The following MAST4 variants were observed in gnomAD, a reference collection of about 807,000 sequenced individuals.
MAST4 encodes the protein microtubule associated serine/threonine kinase family member 4, also known as microtubule-associated serine/threonine-protein kinase 4.
In MAST4, 89 loss-of-function variants were observed where a neutral mutation model predicts 162.7. The observed-to-expected ratio is 0.55, with a 90% CI of 0.46 to 0.65. The LOEUF (loss-of-function observed/expected upper bound fraction) is 0.65. Among genes scored for constraint, MAST4 ranks in the 30% least tolerant of loss-of-function variants. The pLI is 0.00. For synonymous variants in MAST4, 1,479 were observed against 1,361.1 expected (o/e 1.09, Z -1.91); for missense variants, 3,153 against 3,374.0 (o/e 0.93, Z 1.62).
intron 3 of MAST4, among the ~76,000 whole-genome samples, chr5:66,835,416 G>A (rs1285881857): frequency 6.6e-6 from 1 of 151,934 alleles, no homozygotes; most frequent in Non-Finnish European, 1.5e-5. Flanking sequence ...CCACTTCATT[G>A]TTAATCTTAT....
At chr5:67,162,884 G>A in intron 28 of MAST4, 96 bp downstream of exon 28, 1 of 1,308,854 alleles carries the variant, frequency 7.6e-7, no homozygotes, top group East Asian at 2.4e-5. Context: ...CTGAAAGAAA[G>A]CAGGTTGAAG....
chr5:66,743,889 G>C (rs759361458), intron 1 of MAST4, among the ~76,000 whole-genome samples: 2 of 151,998 alleles, frequency 1.3e-5, no homozygotes, highest in African/African-American at 4.8e-5. Context: ...AGAGATGATT[G>C]GTCTTTGGTT....
chr5:66,659,662 A>G (rs1235682146), intron 1 of MAST4, among the ~76,000 whole-genome samples: 5 of 152,214 alleles, frequency 3.3e-5, no homozygotes, highest in Non-Finnish European at 1.5e-5. Flanking sequence ...CATTTGGCCA[A>G]CATTGATTGA....
chr5:67,164,542 A>G lies in MAST4; in HGVS notation c.5363A>G (p.Tyr1788Cys), dbSNP rs1773637479. 1 of 1,613,998 alleles carries G rather than the reference A, an allele frequency of 6.2e-7. No homozygotes were observed. The highest frequency in any genetic ancestry group is 8.5e-7 in the Non-Finnish European group (1 of 1,179,888). ...ESPVRKSPSEYKLEGRSVSCL... is the reference protein window; with the variant it reads ...ESPVRKSPSECKLEGRSVSCL... ...CCTGTTAGGAAGAGCCCCTCCGAGT[A>G]TAAGCTGGAAGGTAGGTCTGTCTCA... Residue 1788 changes from tyrosine (Y) to cysteine (C), a missense_variant, in exon 29 of 29, where the codon TAT becomes TGT. Tyr to Cys is a radical substitution (Grantham distance 194). Around this residue, in one of 7 missense-constraint regions of MAST4, gnomAD observed 1,644 missense variants for 1,495.0 expected, o/e 1.10. Coordinates refer to ENST00000403625, the MANE Select transcript of MAST4 (RefSeq NM_001164664.2). The surrounding 1 kb of genome is among the most constrained non-coding windows in gnomAD (Gnocchi z 5.3).
intron 3 of MAST4, among the ~76,000 whole-genome samples, chr5:66,887,865 TCATTCTC>T (rs1159168108): frequency 2.0e-5 from 3 of 152,164 alleles, no homozygotes; most frequent in Admixed American, 2.0e-4. Flanking sequence ...CCCATGGTCT[TCATTCTC>T]GAAGTTCTCA....
rs58215388 is a variant in MAST4 at position 66,756,522 on chromosome 5, G to A, written c.364-3187G>A. On this transcript the variant is annotated intron_variant, in intron 1 of 28. Transcript: ENST00000403625. ...CAACTCCTTGTAGTATGAAGACTTT[G>A]GGAGTCTGGAAAAGTTGGAAAACAT... is the stretch of plus-strand genomic sequence containing the variant. 4.6e-3 allele frequency among the ~76,000 whole-genome samples: 702 copies of A among 152,242 alleles called. 6 individuals are homozygous for A. Among genetic ancestry groups the A allele is most frequent in the African/African-American group, 0.016 (674 of 41,534 alleles).
intron 1 of MAST4, among the ~76,000 whole-genome samples, chr5:66,655,267 G>T (rs1024297759): frequency 6.6e-6 from 1 of 152,072 alleles, no homozygotes; most frequent in Non-Finnish European, 1.5e-5. Context: ...GGGGTTCATG[G>T]GATTTTCATA....
chr5:67,035,925 C>T (rs986615728), intron 4 of MAST4, among the ~76,000 whole-genome samples: 2 of 152,180 alleles, frequency 1.3e-5, no homozygotes, highest in Non-Finnish European at 2.9e-5. Context: ...CTGCCTCCCT[C>T]ATTCCCTACC....
intron 1 of MAST4, 81 bp from the exon 2 acceptor site, chr5:66,759,628 G>A (rs1753738687): frequency 3.3e-6 from 5 of 1,515,154 alleles, no homozygotes; most frequent in Non-Finnish European, 4.5e-6. Flanking sequence ...AAGAAAGGAA[G>A]AAAAAGTGTG....
In MAST4 at chr5:67,049,037, A is replaced by ATG. The variant is rs1561576429; in HGVS notation, c.675-5366_675-5365insGT. Among the ~76,000 whole-genome samples, 645 of 107,718 alleles carry ATG rather than the reference A, an allele frequency of 6.0e-3. 26 individuals are homozygous for ATG. Among genetic ancestry groups the ATG allele is most frequent in the African/African-American group, 0.027 (625 of 23,560 alleles). 70.7% of individuals were successfully genotyped at this position (107,718 alleles called of 152,430 possible). On this transcript the variant is annotated intron_variant, in intron 4 of 28. Coordinates refer to ENST00000403625, the MANE Select transcript of MAST4 (RefSeq NM_001164664.2). ...TATATATATACGTATATATATATAT[A>ATG]TATACGTGTATATATATATATACGT...
intron 4 of MAST4, among the ~76,000 whole-genome samples, chr5:66,913,410 A>T (rs1763902424): frequency 6.6e-6 from 1 of 152,204 alleles, no homozygotes; most frequent in African/African-American, 2.4e-5. Flanking sequence ...CTTCTCACTC[A>T]GCATAATTAT....
intron 3 of MAST4, 126 bp downstream of exon 3, chr5:66,788,920 T>C: frequency 8.1e-7 from 1 of 1,238,922 alleles, no homozygotes; most frequent in Non-Finnish European, 1.1e-6. Context: ...TATTTGGCAA[T>C]GTGGAATTCC....
chr5:66,864,687 G>A (rs541888536), intron 3 of MAST4, among the ~76,000 whole-genome samples: 4 of 150,628 alleles, frequency 2.7e-5, no homozygotes, highest in African/African-American at 4.9e-5. Context: ...CCAATACTGC[G>A]GATGGGATGA....
intron 4 of MAST4, among the ~76,000 whole-genome samples, chr5:66,994,561 T>C (rs1750415708): frequency 6.6e-6 from 1 of 152,240 alleles, no homozygotes; most frequent in Non-Finnish European, 1.5e-5. Flanking sequence ...AACTTCTCTT[T>C]GAAAGTTTTT....
At chr5:66,754,105 C>T (rs969443895) in intron 1 of MAST4, among the ~76,000 whole-genome samples, 6 of 152,024 alleles carry the variant, frequency 3.9e-5, no homozygotes, top group Non-Finnish European at 7.4e-5. Flanking sequence ...TCAACAACCC[C>T]TCATGCTAAA....
At chr5:67,135,673 T>G (rs1769541910) in intron 18 of MAST4, among the ~76,000 whole-genome samples, 1 of 152,254 alleles carries the variant, frequency 6.6e-6, no homozygotes, top group African/African-American at 2.4e-5. Context: ...GATTTATAAC[T>G]AGGCTGTTTT....
Position 67,016,388 on chromosome 5 carries a change from T to C in MAST4, c.675-38016T>C, listed in dbSNP as rs570705472. On this transcript the variant is annotated intron_variant, in intron 4 of 28. Transcript: ENST00000403625. ...AACATTCTAATTACTGAAAATAATA[T>C]TTGTAAAGCAAGATTTTAGTACCTT... Among the ~76,000 whole-genome samples the C allele has an allele frequency of 4.3e-4, 65 of 152,274 alleles. No homozygotes were observed. In the South Asian group the frequency reaches 0.013, roughly 30 times the overall value.
At chr5:66,888,907 T>C (rs1762205141) in intron 3 of MAST4, among the ~76,000 whole-genome samples, 1 of 152,222 alleles carries the variant, frequency 6.6e-6, no homozygotes, top group Admixed American at 6.5e-5. Context: ...CAGGGCATTT[T>C]CCTGGATAAT....
intron 3 of MAST4, among the ~76,000 whole-genome samples, chr5:66,833,520 A>T (rs138213153): frequency 6.6e-6 from 1 of 152,322 alleles, no homozygotes; most frequent in Non-Finnish European, 1.5e-5. Context: ...GTTTAGCCAC[A>T]GTCTTGCTTT....
Sources: gnomAD v4.1 joint callset for allele counts (sites outside exome capture counted in the v4.1 genomes callset) on GRCh38, gnomAD v4.1.1 for gene constraint, gnomAD v4.1.1 regional missense constraint, Gnocchi (gnomAD v3.1) non-coding constraint, MANE v1.5 for transcripts, NCBI Gene and HGNC (gene_info 2026-07-23, HGNC 2026-07-21) for gene names.